PCDHA1: variants seen among roughly 807,000 people sequenced by gnomAD.
The protein encoded by PCDHA1 is protocadherin alpha 1.
In PCDHA1, 42 loss-of-function variants were observed where a neutral mutation model predicts 61.3. The observed-to-expected ratio is 0.69, with a 90% CI of 0.54 to 0.89. The LOEUF is 0.89. Ranked by LOEUF, PCDHA1 falls within the 40% of genes least tolerant of loss-of-function variation. The probability of loss-of-function intolerance (pLI) is 0.00; values close to 1 mark genes in which losing one functional copy is unlikely to be tolerated. For missense variants in PCDHA1, 1,256 were observed against 1,235.3 expected, an observed-to-expected ratio of 1.02 and a Z score of -0.25; for synonymous variants, 610 against 553.8, an observed-to-expected ratio of 1.10 and a Z score of -1.43.
intron 1 of PCDHA1, chr5:140,804,946 T>A (rs1442293492): frequency 7.9e-6 from 10 of 1,271,424 alleles, no homozygotes; most frequent in African/African-American, 1.5e-5. Context: ...GTTGCTCCCT[T>A]GTCCATGAAG....
At chr5:140,871,003 C>G (rs782654281) in intron 1 of PCDHA1, 3 of 1,613,416 alleles carry the variant, frequency 1.9e-6, no homozygotes, top group Non-Finnish European at 2.5e-6. Flanking sequence ...AAGCACAACG[C>G]GTGCCCTGGA....
intron 1 of PCDHA1, chr5:140,836,191 A>T (rs2150255019): frequency 1.2e-6 from 2 of 1,613,828 alleles, no homozygotes; most frequent in Non-Finnish European, 1.7e-6. Context: ...GACTCAGGCT[A>T]CAACGCGTGG....
chr5:140,908,626 T>A (rs1162805222), intron 1 of PCDHA1, among the ~76,000 whole-genome samples: 3 of 152,020 alleles, frequency 2.0e-5, no homozygotes, highest in African/African-American at 4.8e-5. Context: ...ATCCTTGAGG[T>A]CTCCACTGTG....
chr5:140,859,677 A>G (rs942745951), intron 1 of PCDHA1: 1 of 154,782 alleles, frequency 6.5e-6, no homozygotes, highest in South Asian at 2.0e-4. Context: ...GCTTCAAATA[A>G]AATTAAAATT....
At chr5:140,836,382 G>T in intron 1 of PCDHA1, 1 of 1,613,752 alleles carries the variant, frequency 6.2e-7, no homozygotes, top group Non-Finnish European at 8.5e-7. Flanking sequence ...CACCGTGCTG[G>T]TGTCGCTGGT....
intron 1 of PCDHA1, among the ~76,000 whole-genome samples, chr5:140,949,245 A>G (rs782212374): frequency 2.4e-4 from 37 of 151,798 alleles, no homozygotes; most frequent in Non-Finnish European, 4.3e-4. Context: ...GCAACAGTCT[A>G]TCTTGATGAA....
intron 1 of PCDHA1, among the ~76,000 whole-genome samples, chr5:140,935,942 G>A (rs2090659965): frequency 6.8e-6 from 1 of 147,088 alleles, no homozygotes; most frequent in Non-Finnish European, 1.5e-5. Flanking sequence ...GCCCAGGCTG[G>A]AGTAAAGTGG....
At chr5:140,871,488 C>G (rs370808040) in intron 1 of PCDHA1, 14 of 1,591,168 alleles carry the variant, frequency 8.8e-6, no homozygotes, top group African/African-American at 1.3e-5. Context: ...CAAATCACCC[C>G]GGACAGGTGA....
chr5:140,957,257 T>C (rs2095345219), intron 1 of PCDHA1, among the ~76,000 whole-genome samples: 1 of 152,184 alleles, frequency 6.6e-6, no homozygotes, highest in Admixed American at 6.5e-5. Context: ...AATTTAAATA[T>C]GTAAGCACTA....
chr5:140,829,050 T>G (rs1554131730), intron 1 of PCDHA1: 2 of 1,613,108 alleles, frequency 1.2e-6, no homozygotes. Flanking sequence ...AAAATCCTCA[T>G]TGACGCCACG....
chr5:141,009,494 A>G (rs1554262180), intron 3 of PCDHA1, 133 bp from the exon 4 acceptor site: 16 of 1,488,800 alleles, frequency 1.1e-5, no homozygotes, highest in Non-Finnish European at 1.4e-5. Flanking sequence ...TTGCCCTCAG[A>G]CTTGAACAAA....
intron 1 of PCDHA1, among the ~76,000 whole-genome samples, chr5:140,879,556 A>G (rs2058036538): frequency 6.6e-6 from 1 of 152,240 alleles, no homozygotes; most frequent in South Asian, 2.1e-4. Context: ...AAAATAATCC[A>G]TGAAAGAATA....
intron 1 of PCDHA1, among the ~76,000 whole-genome samples, chr5:140,900,977 C>T (rs1223245503): frequency 2.0e-5 from 3 of 152,112 alleles, no homozygotes; most frequent in South Asian, 2.1e-4. Flanking sequence ...AGTATCTTTT[C>T]CTATACCTGT....
intron 1 of PCDHA1, chr5:140,852,359 C>T (rs2042307858): frequency 1.5e-5 from 3 of 204,042 alleles, no homozygotes; most frequent in Non-Finnish European, 1.9e-5. Flanking sequence ...CTCACTGCAA[C>T]GTCTGCCTCC....
At chr5:140,935,639 T>A (rs1377571192) in intron 1 of PCDHA1, among the ~76,000 whole-genome samples, 2 of 152,192 alleles carry the variant, frequency 1.3e-5, no homozygotes, top group African/African-American at 4.8e-5. Context: ...AGGGCTTGCT[T>A]TTTAAATTTT....
intron 1 of PCDHA1, chr5:140,865,781 A>G (rs1213634186): frequency 3.3e-5 from 5 of 152,208 alleles, no homozygotes; most frequent in Admixed American, 1.3e-4. Flanking sequence ...TCAAATGTGT[A>G]TCTTTCAGGC....
At chr5:140,861,734 A>G in intron 1 of PCDHA1, 1 of 190,940 alleles carries the variant, frequency 5.2e-6, no homozygotes, top group Non-Finnish European at 1.1e-5. Flanking sequence ...GATGACTTAC[A>G]TACTGTGCCG....
Position 140,849,766 on chromosome 5 carries a change from T to C in PCDHA1, c.2394+61082T>C. 1.9e-6 allele frequency: 3 copies of C among 1,598,326 alleles called. 1 individual carries two copies. Among genetic ancestry groups the C allele is most frequent in the Middle Eastern group, 1.7e-4 (1 of 5,858 alleles). On this transcript the variant is annotated intron_variant, in intron 1 of 3. Coordinates refer to ENST00000504120, the MANE Select transcript of PCDHA1 (RefSeq NM_018900.4). The stretch of plus-strand genomic sequence containing the variant: ...GAGAGTGTGTCCGCCTACGAGCTGG[T>C]GGTTACCGCGCGGGACGGGGGCTCG...
At chr5:140,796,106 C>G in intron 1 of PCDHA1, 3 of 1,614,214 alleles carry the variant, frequency 1.9e-6, no homozygotes, top group Non-Finnish European at 2.5e-6. Context: ...GACTCTGGTA[C>G]GAATGGACAT....
Sources: gnomAD v4.1 joint callset for allele counts (sites outside exome capture counted in the v4.1 genomes callset) on GRCh38, gnomAD v4.1.1 for gene constraint, MANE v1.5 for transcripts, NCBI Gene and HGNC (gene_info 2026-07-23, HGNC 2026-07-21) for gene names.